Variants in ATG4B observed in about 807,000 individuals in gnomAD.
The protein encoded by ATG4B is autophagy related 4B cysteine peptidase.
ATG4B carries 29 observed loss-of-function variants against 56.6 expected under a neutral mutation model. The observed-to-expected ratio is 0.51, with a 90% CI of 0.38 to 0.70. ATG4B has a LOEUF of 0.70. Ranked by LOEUF, ATG4B falls within the 30% of genes least tolerant of loss-of-function variation. The probability of loss-of-function intolerance (pLI) is 0.00; values close to 1 mark genes in which losing one functional copy is unlikely to be tolerated. For missense variants in ATG4B, 461 were observed against 515.5 expected (o/e 0.89, Z 1.02); for synonymous variants, 224 against 206.1 (o/e 1.09, Z -0.74).
chr2:241,669,100 C>T lies in ATG4B; in HGVS notation c.957+415C>T, dbSNP rs139502370. 4.8e-3 allele frequency among the ~76,000 whole-genome samples: 730 copies of T among 151,172 alleles called. 7 individuals are homozygous for T. The highest frequency in any genetic ancestry group is 0.017 in the African/African-American group (695 of 41,346). On this transcript the variant is annotated intron_variant, in intron 10 of 12. Transcript: ENST00000404914. ...CACGGGCGGCCCCTCCACCCACCCA[C>T]TCCTGCACCACCTTTTGTTTTCCGG...
At chr2:241,648,165 T>A (rs1575063355) in intron 1 of ATG4B, among the ~76,000 whole-genome samples, 1 of 152,318 alleles carries the variant, frequency 6.6e-6, no homozygotes, top group East Asian at 1.9e-4. Context: ...TCAGTTTTTG[T>A]AATCATGTGC....
intron 1 of ATG4B, among the ~76,000 whole-genome samples, chr2:241,647,475 G>C (rs2068096438): frequency 6.6e-6 from 1 of 151,834 alleles, no homozygotes; most frequent in Non-Finnish European, 1.5e-5. Context: ...CAAAAAATTA[G>C]CCAGGCGTGG....
intron 4 of ATG4B, among the ~76,000 whole-genome samples, chr2:241,654,009 AAAGAAG>A (rs1160185554): frequency 2.7e-5 from 4 of 148,200 alleles, no homozygotes; most frequent in South Asian, 4.2e-4. Context: ...AAAAAAAAAA[AAAGAAG>A]AAGAAGAATG....
At chr2:241,642,926 T>C (rs2067945608) in intron 1 of ATG4B, among the ~76,000 whole-genome samples, 1 of 128,084 alleles carries the variant, frequency 7.8e-6, no homozygotes, top group African/African-American at 3.0e-5. Flanking sequence ...TCGCCCAGAC[T>C]GGCTGGAGTG....
At chr2:241,653,419 G>C (rs544404998) in intron 3 of ATG4B, 93 bp from the exon 4 acceptor site, 1 of 1,551,366 alleles carries the variant, frequency 6.4e-7, no homozygotes, top group African/African-American at 1.4e-5. Context: ...CGGTGCCTGT[G>C]GTGTGGGACT....
chr2:241,650,039 C>T (rs1451239347), intron 1 of ATG4B, among the ~76,000 whole-genome samples: 1 of 152,188 alleles, frequency 6.6e-6, no homozygotes, highest in Admixed American at 6.5e-5. Context: ...CCACCTCGGC[C>T]TCCCAGAGTG....
At chr2:241,660,301 T>C (rs1021715235) in intron 7 of ATG4B, among the ~76,000 whole-genome samples, 1 of 152,090 alleles carries the variant, frequency 6.6e-6, no homozygotes, top group African/African-American at 2.4e-5. Flanking sequence ...ACCACACAGG[T>C]GTGTGCTGGG....
rs772890426 is a variant in ATG4B at position 241,653,507 on chromosome 2, G to A, written c.185-5G>A. ...GAGCACTTCTCTCTCTGTCTGCCAC[G>A]ACAGGGGGGACAGGCCCCACCTCGG... is the stretch of plus-strand genomic sequence containing the variant. On this transcript the variant is annotated splice_polypyrimidine_tract_variant and splice_region_variant and intron_variant, in intron 3 of 12. Transcript: ENST00000404914. 8 of 1,573,790 alleles carry A rather than the reference G, an allele frequency of 5.1e-6. No individual in the cohort carries two copies. The highest frequency in any genetic ancestry group is 2.3e-5 in the South Asian group (2 of 85,506).
rs915072741 is a variant in ATG4B, at chr2:241,672,727, G to A, written c.*463G>A. On this transcript the variant is annotated 3_prime_UTR_variant, in exon 13 of 13. Coordinates refer to ENST00000404914, the MANE Select transcript of ATG4B (RefSeq NM_013325.5). Reference sequence around the variant, plus strand: ...AGCGGCAGCCACACTGCGGCCCCACGCCCAAGGACTGGGCTGCTCTCGAGG... The same window carrying A: ...AGCGGCAGCCACACTGCGGCCCCACACCCAAGGACTGGGCTGCTCTCGAGG... The A allele has an allele frequency of 1.4e-4, 26 of 188,880 alleles. No homozygotes were observed. Among genetic ancestry groups the A allele is most frequent in the Non-Finnish European group, 2.2e-4 (20 of 89,082 alleles). 11.7% of individuals were successfully genotyped at this position (188,880 alleles called of 1,614,324 possible). A position where few individuals can be genotyped will look rare whatever the true frequency, so the allele number is the denominator to read the frequency against.
chr2:241,658,323 G>A (rs954344163), intron 6 of ATG4B, among the ~76,000 whole-genome samples: 5 of 151,894 alleles, frequency 3.3e-5, no homozygotes, highest in Non-Finnish European at 7.4e-5. Flanking sequence ...CAGGGGGGCA[G>A]TGGGGGGCAG....
intron 6 of ATG4B, 28 bp downstream of exon 6, chr2:241,655,371 ATGG>A (rs2068365987): frequency 6.3e-7 from 1 of 1,587,718 alleles, no homozygotes; most frequent in Non-Finnish European, 8.6e-7. Context: ...ACTGCTGAGC[ATGG>A]GGCAGCAGGG....
chr2:241,655,383 G>T, intron 6 of ATG4B, 40 bp downstream of exon 6: 1 of 1,569,408 alleles, frequency 6.4e-7, no homozygotes, highest in East Asian at 2.3e-5. Context: ...GGGGCAGCAG[G>T]GATGTTCCCT....
At chr2:241,641,133 C>T (rs2067873821) in intron 1 of ATG4B, among the ~76,000 whole-genome samples, 3 of 152,164 alleles carry the variant, frequency 2.0e-5, no homozygotes, top group Non-Finnish European at 4.4e-5. Flanking sequence ...AAGAGGTTGA[C>T]TTCTGCATGT....
At chr2:241,659,457 T>C (rs1441620809) in intron 7 of ATG4B, 1 of 515,870 alleles carries the variant, frequency 1.9e-6, no homozygotes, top group East Asian at 4.5e-5. Flanking sequence ...ACAAATCGTT[T>C]ATGAAGGCCC....
At chr2:241,652,314 G>C (rs977811537) in intron 3 of ATG4B, among the ~76,000 whole-genome samples, 1 of 152,230 alleles carries the variant, frequency 6.6e-6, no homozygotes. Context: ...CTTGGATGCA[G>C]GTTTGTCCCC....
chr2:241,645,013 G>T (rs2068020554), intron 1 of ATG4B, among the ~76,000 whole-genome samples: 1 of 151,986 alleles, frequency 6.6e-6, no homozygotes, highest in East Asian at 1.9e-4. Flanking sequence ...CCATTATAAA[G>T]TAAGATCTGG....
intron 1 of ATG4B, among the ~76,000 whole-genome samples, chr2:241,645,093 G>A (rs2125115889): frequency 6.6e-6 from 1 of 152,316 alleles, no homozygotes; most frequent in East Asian, 1.9e-4. Flanking sequence ...TTCCTCTTCA[G>A]CTGGAGCTGC....
Position 241,668,383 on chromosome 2 carries a change from C to T in ATG4B, c.812-157C>T, listed in dbSNP as rs1261201323. The T allele has an allele frequency of 7.3e-7, 1 of 1,361,586 alleles. No individual in the cohort carries two copies. The highest frequency in any genetic ancestry group is 1.0e-6 in the Non-Finnish European group (1 of 982,934). 84.3% of individuals were successfully genotyped at this position (1,361,586 alleles called of 1,614,324 possible). ...GGTCGCGGGCGGCCTCCTGTGTGCC[C>T]CTTTCCCTGATGGTCTGGTGCCCTC... On this transcript the variant is annotated intron_variant, in intron 9 of 12. Coordinates refer to ENST00000404914, the MANE Select transcript of ATG4B (RefSeq NM_013325.5). This position sits in a 1 kb window ranked among gnomAD's most constrained non-coding sequence, Gnocchi z 4.2.
intron 4 of ATG4B, 21 bp from the exon 5 acceptor site, chr2:241,654,525 C>T (rs762254817): frequency 1.3e-6 from 2 of 1,547,284 alleles, no homozygotes; most frequent in Admixed American, 1.9e-5. Context: ...TAGAGCTGAC[C>T]TGTAATTTTT....
Sources: allele counts gnomAD v4.1 joint callset (sites outside exome capture counted in the v4.1 genomes callset), GRCh38; gene constraint gnomAD v4.1.1; non-coding constraint Gnocchi (gnomAD v3.1); transcripts MANE v1.5; gene names NCBI Gene and HGNC (gene_info 2026-07-23, HGNC 2026-07-21).